The following MTA3 variants were observed in gnomAD, a reference collection of about 807,000 sequenced individuals.
MTA3 encodes the protein metastasis associated 1 family member 3, also known as metastasis-associated protein MTA3.
In MTA3, 34 loss-of-function variants were observed where a neutral mutation model predicts 83.5. That is an observed-to-expected ratio of 0.41 (90% CI 0.31 to 0.54). The LOEUF is 0.54. Among genes scored for constraint, MTA3 ranks in the 20% least tolerant of loss-of-function variants. The pLI is 0.33. For synonymous variants in MTA3, 303 were observed against 252.7 expected, an observed-to-expected ratio of 1.20 and a Z score of -1.89; for missense variants, 761 against 726.4, an observed-to-expected ratio of 1.05 and a Z score of -0.55.
chr2:42,605,778 G>A (rs1683247181), intron 3 of MTA3, among the ~76,000 whole-genome samples: 1 of 124,476 alleles, frequency 8.0e-6, no homozygotes. Context: ...TCACTTCCCA[G>A]AAGGGGCGGC....
intron 3 of MTA3, among the ~76,000 whole-genome samples, chr2:42,590,470 C>G (rs754492423): frequency 1.3e-5 from 2 of 152,138 alleles, no homozygotes; most frequent in Non-Finnish European, 2.9e-5. Flanking sequence ...TCATCAGATG[C>G]AGATGCCCAG....
chr2:42,693,919 T>C (rs1693142524), intron 9 of MTA3, among the ~76,000 whole-genome samples: 1 of 152,212 alleles, frequency 6.6e-6, no homozygotes, highest in Non-Finnish European at 1.5e-5. Flanking sequence ...GGTGTACTAC[T>C]ACCCAGGCAT....
In MTA3 at chr2:42,519,827, A is replaced by C. The variant is rs192310090; in HGVS notation, c.-141+24573A>C. Among the ~76,000 whole-genome samples, 28 of 149,840 alleles carry C rather than the reference A, an allele frequency of 1.9e-4. No individual in the cohort carries two copies. The East Asian group carries it at 5.7e-3, about 30-fold the overall frequency. ...CACTTTGGGAGGCCGAGGCAGGTGA[A>C]CTCCTGAGGTCAGGAGTTCAAGACC... On this transcript the variant is annotated intron_variant, in intron 2 of 17. Coordinates refer to the MTA3 transcript ENST00000405592.
chr2:42,612,041 T>C (rs1041745808), intron 4 of MTA3, among the ~76,000 whole-genome samples: 15 of 152,208 alleles, frequency 9.9e-5, no homozygotes, highest in African/African-American at 3.6e-4. Context: ...TTAAGTCATT[T>C]GCTGGAAAAG....
chr2:42,606,952 G>A (rs1043904928), intron 3 of MTA3, among the ~76,000 whole-genome samples: 8 of 150,298 alleles, frequency 5.3e-5, no homozygotes, highest in African/African-American at 2.0e-4. Context: ...GCCTGCAATC[G>A]CAGGCATTCG....
chr2:42,636,035 C>A (rs566584130), intron 4 of MTA3, among the ~76,000 whole-genome samples: 1 of 152,076 alleles, frequency 6.6e-6, no homozygotes, highest in African/African-American at 2.4e-5. Context: ...TTATAGAATG[C>A]TAGGATTACA....
intron 14 of MTA3, among the ~76,000 whole-genome samples, chr2:42,717,723 G>A (rs950638443): frequency 3.9e-5 from 6 of 152,130 alleles, no homozygotes; most frequent in Non-Finnish European, 8.8e-5. Flanking sequence ...GAAAACCAGT[G>A]ATAAAACCAA....
At chr2:42,552,933 C>T (rs180829157) in intron 2 of MTA3, among the ~76,000 whole-genome samples, 1 of 148,492 alleles carries the variant, frequency 6.7e-6, no homozygotes, top group East Asian at 2.0e-4. Flanking sequence ...CTGGGCGACA[C>T]CGCAAGACTC....
intron 14 of MTA3, 98 bp from the exon 15 acceptor site, chr2:42,718,890 G>A (rs759195731): frequency 1.6e-5 from 14 of 868,120 alleles, no homozygotes; most frequent in Non-Finnish European, 2.1e-5. Context: ...TGGCTATTTT[G>A]TACTGTTTTC....
intron 9 of MTA3, among the ~76,000 whole-genome samples, chr2:42,687,393 T>C (rs1692480925): frequency 6.6e-6 from 1 of 152,232 alleles, no homozygotes; most frequent in Non-Finnish European, 1.5e-5. Context: ...CAGTCGTTCA[T>C]TTTCACTGCC....
chr2:42,649,681 C>T (rs966244003), intron 6 of MTA3, among the ~76,000 whole-genome samples: 2 of 152,182 alleles, frequency 1.3e-5, no homozygotes, highest in Non-Finnish European at 2.9e-5. Context: ...TTGATTTAAG[C>T]AGTGGCTGAT....
At chr2:42,631,118 T>C (rs1264525949) in intron 4 of MTA3, among the ~76,000 whole-genome samples, 9 of 152,224 alleles carry the variant, frequency 5.9e-5, no homozygotes, top group Non-Finnish European at 1.2e-4. Flanking sequence ...TTTGTAATTT[T>C]TTTGGTAATC....
chr2:42,533,700 C>T (rs1388018990), intron 2 of MTA3, among the ~76,000 whole-genome samples: 2 of 149,812 alleles, frequency 1.3e-5, no homozygotes, highest in East Asian at 2.0e-4. Flanking sequence ...GGCGTAGTGG[C>T]GGGCGCCTGT....
intron 2 of MTA3, among the ~76,000 whole-genome samples, chr2:42,528,644 A>G (rs1245322992): frequency 2.0e-5 from 3 of 152,224 alleles, no homozygotes; most frequent in Admixed American, 2.0e-4. Flanking sequence ...TTACTACTGA[A>G]GAGATGTGTG....
intron 16 of MTA3, among the ~76,000 whole-genome samples, chr2:42,726,195 C>G (rs986800751): frequency 1.2e-4 from 18 of 152,136 alleles, no homozygotes; most frequent in African/African-American, 4.3e-4. Context: ...GATGAGCATA[C>G]CAAACAGAGT....
At chr2:42,697,864 GT>G (rs1176157342) in intron 11 of MTA3, 30 bp downstream of exon 11, 12 of 1,435,472 alleles carry the variant, frequency 8.4e-6, no homozygotes, top group Non-Finnish European at 1.1e-5. Context: ...TAAAATATTT[GT>G]TTTGGTCTTA....
At chr2:42,704,091 T>A in intron 11 of MTA3, 103 bp from the exon 12 acceptor site, 1 of 1,287,336 alleles carries the variant, frequency 7.8e-7, no homozygotes, top group Non-Finnish European at 1.1e-6. Context: ...TTTAAAATGT[T>A]TGTTTATGTT....
intron 9 of MTA3, among the ~76,000 whole-genome samples, chr2:42,690,589 CA>C (rs1476801082): frequency 2.0e-5 from 3 of 150,110 alleles, no homozygotes; most frequent in African/African-American, 7.3e-5. Flanking sequence ...TCTTTTTAAA[CA>C]TTTTTTTCTT....
At chr2:42,695,664 A>G in intron 9 of MTA3, 101 bp from the exon 10 acceptor site, 1 of 424,176 alleles carries the variant, frequency 2.4e-6, no homozygotes. Context: ...AAAAAAAAGA[A>G]AGTGGTGGTT....
Sources: allele counts gnomAD v4.1 joint callset (sites outside exome capture counted in the v4.1 genomes callset), GRCh38; gene constraint gnomAD v4.1.1; transcripts MANE v1.5; gene names NCBI Gene and HGNC (gene_info 2026-07-23, HGNC 2026-07-21).